ETV4: variants seen among roughly 807,000 people sequenced by gnomAD.
ETV4 encodes ETS variant transcription factor 4.
A neutral mutation model predicts 65.9 loss-of-function variants in ETV4; 42 were observed. The ratio of observed to expected loss-of-function variants is 0.64; its 90% CI spans 0.50 to 0.82. The LOEUF (loss-of-function observed/expected upper bound fraction) is 0.82, where lower values mean the gene tolerates loss of function less well. Among genes scored for constraint, ETV4 ranks in the 40% least tolerant of loss-of-function variants. ETV4 has a pLI of 0.00. For synonymous variants in ETV4, 238 were observed against 260.0 expected, an observed-to-expected ratio of 0.92 and a Z score of 0.81; for missense variants, 583 against 630.3, an observed-to-expected ratio of 0.92 and a Z score of 0.80.
At chr17:43,537,475 CTT>C (rs1252717417) in intron 4 of ETV4, among the ~76,000 whole-genome samples, 6 of 151,010 alleles carry the variant, frequency 4.0e-5, no homozygotes, top group South Asian at 2.1e-4. Flanking sequence ...GGGAGGATCA[CTT>C]GAGATCAGGA....
chr17:43,533,829 A>G, intron 6 of ETV4, 30 bp downstream of exon 6: 1 of 1,603,650 alleles, frequency 6.2e-7, no homozygotes, highest in South Asian at 1.1e-5. Context: ...CCCTTCTCCT[A>G]CCCTTCACCA....
At chr17:43,535,138 G>C (rs1369612988) in intron 5 of ETV4, among the ~76,000 whole-genome samples, 6 of 152,172 alleles carry the variant, frequency 3.9e-5, no homozygotes, top group Non-Finnish European at 1.5e-5. Flanking sequence ...GCCGGTGTGA[G>C]ATTCAGTTTT....
chr17:43,544,171 C>CGA lies in ETV4; in HGVS notation c.202+802_202+803dup, dbSNP rs563588619. On this transcript the variant is annotated intron_variant, in intron 4 of 12. Coordinates refer to ENST00000319349, the MANE Select transcript of ETV4 (RefSeq NM_001079675.5). Reference sequence around the variant, plus strand: ...TCCCTCCCACCTGCAGCCCCACCAGCGACACCCTCAGGCCCCACCAAAACG... The same window carrying CGA: ...TCCCTCCCACCTGCAGCCCCACCAGCGAGACACCCTCAGGCCCCACCAAAACG... 6.6e-5 allele frequency: 10 copies of CGA among 152,652 alleles called. No homozygotes were observed. The East Asian group carries it at 1.5e-3, about 24-fold the overall frequency. 9.5% of individuals were successfully genotyped at this position (152,652 alleles called of 1,614,324 possible). A position where few individuals can be genotyped will look rare whatever the true frequency, so the allele number is the denominator to read the frequency against.
rs571036102 is a variant in ETV4, at chr17:43,539,639, G to A, written c.203-3160C>T. ...CTACATGAATAAACATGCAATAATCGTTTGTCCTCAGGCTGGCAGAAGTCA... is the reference window on the plus strand; with the variant it reads ...CTACATGAATAAACATGCAATAATCATTTGTCCTCAGGCTGGCAGAAGTCA... On this transcript the variant is annotated intron_variant, in intron 4 of 12. Transcript: ENST00000319349. Among the ~76,000 whole-genome samples the A allele has an allele frequency of 1.2e-4, 18 of 152,262 alleles. 1 individual carries two copies. The East Asian group carries it at 1.9e-3, about 16-fold the overall frequency.
intron 5 of ETV4, among the ~76,000 whole-genome samples, chr17:43,535,024 A>T (rs1198575845): frequency 6.6e-6 from 1 of 152,192 alleles, no homozygotes; most frequent in Non-Finnish European, 1.5e-5. Context: ...CTAACATTAT[A>T]CACATGCTCC....
chr17:43,546,070 C>T (rs1852235044), intron 1 of ETV4, 115 bp downstream of exon 1: 1 of 190,874 alleles, frequency 5.2e-6, no homozygotes, highest in African/African-American at 2.4e-5. Context: ...CCCAGCACCT[C>T]CCACCCCCGC....
chr17:43,541,530 A>AG (rs950142693), intron 4 of ETV4, among the ~76,000 whole-genome samples: 3 of 151,968 alleles, frequency 2.0e-5, no homozygotes, highest in Admixed American at 6.5e-5. Context: ...CCTTTCAAAA[A>AG]GGGGGGTTAG....
chr17:43,533,460 G>A (rs1031731140), intron 6 of ETV4, 112 bp from the exon 7 acceptor site: 8 of 1,047,336 alleles, frequency 7.6e-6, no homozygotes, highest in Non-Finnish European at 1.1e-5. Context: ...AGGAAGGATA[G>A]AGGGGGCTGA....
intron 4 of ETV4, among the ~76,000 whole-genome samples, chr17:43,543,096 C>T (rs537470411): frequency 6.6e-6 from 1 of 151,968 alleles, no homozygotes; most frequent in Non-Finnish European, 1.5e-5. Flanking sequence ...AGCATCCCCC[C>T]CTCAGACCTG....
chr17:43,545,414 G>A, intron 2 of ETV4, 47 bp from the exon 3 acceptor site: 2 of 1,504,802 alleles, frequency 1.3e-6, no homozygotes, highest in Non-Finnish European at 1.8e-6. Flanking sequence ...GAGGCGCTTA[G>A]TCTGGGGGAC....
chr17:43,530,185 TG>T lies in ETV4; in HGVS notation c.812-5del, dbSNP rs1970838816. Reference sequence around the variant, plus strand: ...ATTGATGCGCACCCGGTGACATCTGTGGGGGAAGAAGGGGTGATGTGAGAAG... The same window carrying T: ...ATTGATGCGCACCCGGTGACATCTGTGGGGAAGAAGGGGTGATGTGAGAAG... On this transcript the variant is annotated splice_polypyrimidine_tract_variant and splice_region_variant and intron_variant, in intron 8 of 12. Coordinates refer to ENST00000319349, the MANE Select transcript of ETV4 (RefSeq NM_001079675.5). 1 of 1,553,794 alleles carries T rather than the reference TG, an allele frequency of 6.4e-7. No homozygotes were observed. Among genetic ancestry groups the T allele is most frequent in the African/African-American group, 1.4e-5 (1 of 72,974 alleles).
chr17:43,542,423 C>T (rs544864395), intron 4 of ETV4, among the ~76,000 whole-genome samples: 138 of 152,220 alleles, frequency 9.1e-4, no homozygotes, highest in Non-Finnish European at 1.2e-3. Flanking sequence ...ATTCAGGGCT[C>T]CTGACAAGCC....
intron 4 of ETV4, among the ~76,000 whole-genome samples, chr17:43,541,363 G>A (rs1306667411): frequency 2.6e-5 from 4 of 152,220 alleles, no homozygotes; most frequent in East Asian, 3.8e-4. Context: ...CTGAGTCTTG[G>A]CTGCCAAGCC....
intron 4 of ETV4, among the ~76,000 whole-genome samples, chr17:43,541,270 C>G (rs1567715140): frequency 6.6e-6 from 1 of 152,196 alleles, no homozygotes; most frequent in African/African-American, 2.4e-5. Context: ...CTGAGCCTCG[C>G]GTTCCTGGAG....
chr17:43,531,099 G>A (rs903036566), intron 8 of ETV4, among the ~76,000 whole-genome samples: 1 of 152,206 alleles, frequency 6.6e-6, no homozygotes, highest in East Asian at 1.9e-4. Flanking sequence ...TGGATTTGAG[G>A]ACAGGAGCAC....
Position 43,536,395 on chromosome 17 carries a change from C to T in ETV4, c.256+31G>A, listed in dbSNP as rs750319242. ...CTCACTTCCTGCCATCCTCCACTCC[C>T]TATACCCTCTCCCCAGGGACCTCTA... On this transcript the variant is annotated intron_variant, in intron 5 of 12. Coordinates refer to ENST00000319349, the MANE Select transcript of ETV4 (RefSeq NM_001079675.5). 6.9e-6 allele frequency: 11 copies of T among 1,604,022 alleles called. No homozygotes were observed. In the South Asian group the frequency reaches 9.9e-5, roughly 14 times the overall value.
chr17:43,544,855 A>G, intron 4 of ETV4, 120 bp downstream of exon 4: 1 of 915,882 alleles, frequency 1.1e-6, no homozygotes, highest in Non-Finnish European at 1.8e-6. Flanking sequence ...AGGGCCTTGG[A>G]GAACTCCTTG....
rs777371885 is a variant in ETV4 at position 43,532,762 on chromosome 17, G to C, written c.723C>G (p.Ala241=). The C allele has an allele frequency of 1.5e-5, 25 of 1,613,884 alleles. No homozygotes were observed. Among genetic ancestry groups the C allele is most frequent in the Non-Finnish European group, 2.1e-5 (25 of 1,179,994 alleles). ...GCCCATTGACCCCACCCTGGTCCAC[G>C]GCTGGCTGGCCCGCCTGTTCATACA... ...DPLYEQAGQP[A]VDQGGVNGHR... is the part of the protein sequence containing the mutation. The change falls in exon 8 of 13, where the codon GCC becomes GCG. Residue 241 remains alanine, a synonymous_variant. Transcript: ENST00000319349.
intron 1 of ETV4, 29 bp downstream of exon 1, chr17:43,546,156 C>T (rs1276602574): frequency 1.3e-5 from 2 of 155,424 alleles, no homozygotes; most frequent in African/African-American, 4.8e-5. Context: ...CACAGACACT[C>T]TCCCTCCCTT....
Sources: allele counts gnomAD v4.1 joint callset (sites outside exome capture counted in the v4.1 genomes callset), GRCh38; gene constraint gnomAD v4.1.1; transcripts MANE v1.5; gene names NCBI Gene and HGNC (gene_info 2026-07-23, HGNC 2026-07-21).